LCOR: variants seen among roughly 807,000 people sequenced by gnomAD.
The protein encoded by LCOR is ligand-dependent corepressor.
LCOR carries 14 observed loss-of-function variants against 64.4 expected under a neutral mutation model. The ratio of observed to expected loss-of-function variants is 0.22; its 90% CI spans 0.14 to 0.34. The LOEUF is 0.34. LCOR is among the 10% of genes least tolerant of loss of function. LCOR has a pLI of 1.00. For synonymous variants in LCOR, 643 were observed against 642.5 expected, an observed-to-expected ratio of 1.00 and a Z score of -0.01; for missense variants, 1,686 against 1,765.3, an observed-to-expected ratio of 0.96 and a Z score of 0.80.
intron 4 of LCOR, among the ~76,000 whole-genome samples, chr10:96,917,424 A>T (rs1039539921): frequency 1.3e-5 from 2 of 152,250 alleles, no homozygotes; most frequent in African/African-American, 4.8e-5. Flanking sequence ...CAGAATTCTC[A>T]TATATGCAGG....
At chr10:96,897,788 G>T (rs577988857) in intron 2 of LCOR, among the ~76,000 whole-genome samples, 10 of 151,536 alleles carry the variant, frequency 6.6e-5, no homozygotes, top group Non-Finnish European at 1.3e-4. Flanking sequence ...TTGTGGGCCA[G>T]CAAAAAGAGC....
intron 4 of LCOR, among the ~76,000 whole-genome samples, chr10:96,909,109 C>G (rs990594254): frequency 6.6e-5 from 10 of 152,092 alleles, no homozygotes; most frequent in Admixed American, 5.9e-4. Flanking sequence ...TTTCCACAAT[C>G]ATTACTATAG....
At chr10:96,857,363 A>G (rs142634178) in intron 2 of LCOR, among the ~76,000 whole-genome samples, 1 of 152,106 alleles carries the variant, frequency 6.6e-6, no homozygotes, top group Admixed American at 6.5e-5. Context: ...CCATTATCCC[A>G]TGTGTTTTGA....
At position 96,983,650 on chromosome 10, in the gene LCOR, G is replaced by C. The variant is rs776356000; in HGVS notation, c.3190G>C (p.Ala1064Pro). 1 of 1,614,172 alleles carries C rather than the reference G, an allele frequency of 6.2e-7. No individual in the cohort carries two copies. The highest frequency in any genetic ancestry group is 2.2e-5 in the East Asian group (1 of 44,884). The change falls in exon 8 of 8, where the codon GCA becomes CCA. Residue 1064 changes from alanine to proline, a missense_variant. Around this residue, in one of 3 missense-constraint regions of LCOR, gnomAD observed 1,293 missense variants for 1,410.4 expected, o/e 0.92. Transcript: ENST00000421806. This position sits in a 1 kb window ranked among gnomAD's most constrained non-coding sequence, Gnocchi z 4.5. Reference protein sequence around the residue: ...ASKVTSEKEAAQVNPIMPKEN... With the variant: ...ASKVTSEKEAPQVNPIMPKEN... ...AAAAGTGACTTCAGAAAAGGAAGCT[G>C]CACAAGTAAACCCCATAATGCCAAA...
chr10:96,933,701 G>A (rs1018737359), intron 4 of LCOR, among the ~76,000 whole-genome samples: 8 of 152,032 alleles, frequency 5.3e-5, no homozygotes. Flanking sequence ...TGTATTTTTA[G>A]TAGAGATGGG....
chr10:96,845,114 A>T (rs574960402), intron 2 of LCOR, among the ~76,000 whole-genome samples: 1 of 152,216 alleles, frequency 6.6e-6, no homozygotes, highest in Non-Finnish European at 1.5e-5. Flanking sequence ...GGATAAATTT[A>T]AAAAATGAAT....
In LCOR at chr10:96,983,062, A is replaced by G; in HGVS notation, c.2602A>G (p.Lys868Glu). The G allele has an allele frequency of 2.5e-6, 4 of 1,614,010 alleles. No individual in the cohort carries two copies. Among genetic ancestry groups the G allele is most frequent in the Non-Finnish European group, 3.4e-6 (4 of 1,179,912 alleles). Reference protein sequence around the residue: ...KEGHPGGTTPKGLLPDSFHTE... With the variant: ...KEGHPGGTTPEGLLPDSFHTE... ...AGGGCACCCTGGTGGGACAACACCT[A>G]AGGGCCTTCTACCTGACAGTTTCCA... The change falls in exon 8 of 8, where the codon AAG becomes GAG. Residue 868 changes from lysine (K) to glutamate (E), a missense_variant. Transcript: ENST00000421806. The surrounding 1 kb of genome is among the most constrained non-coding windows in gnomAD (Gnocchi z 4.5).
chr10:96,955,271 C>T (rs1230858870), intron 7 of LCOR: 1 of 1,614,164 alleles, frequency 6.2e-7, no homozygotes, highest in South Asian at 1.1e-5. Context: ...CACTCAGCAA[C>T]ATCAGTGACC....
At position 96,990,017 on chromosome 10, in the gene LCOR, T is replaced by C. The variant is rs1848185410; in HGVS notation, c.*4883T>C. The C allele has an allele frequency of 6.6e-6, 1 of 152,038 alleles. No individual in the cohort carries two copies. Among genetic ancestry groups the C allele is most frequent in the South Asian group, 2.1e-4 (1 of 4,820 alleles). 9.4% of individuals were successfully genotyped at this position (152,038 alleles called of 1,614,324 possible). On this transcript the variant is annotated 3_prime_UTR_variant, in exon 8 of 8. Transcript: ENST00000421806. ...CTTGATATCCACTGAAATACTGGAA[T>C]TTTTTTTAAGTATAAAATTGATCTG...
Position 96,981,230 on chromosome 10 carries a change from C to A in LCOR, c.770C>A (p.Ser257Tyr). ...SSELPTTKSN[S>Y]INSSSVDSFT... ...GAACTTCCAACCACTAAATCGAATT[C>A]TATTAATAGCAGTTCAGTGGATAGT... The change falls in exon 8 of 8, where the codon TCT becomes TAT. Residue 257 changes from serine to tyrosine, a missense_variant. Ser to Tyr is a moderately radical substitution (Grantham distance 144, BLOSUM62 -2). Transcript: ENST00000421806. 1.2e-6 allele frequency: 1 copy of A among 842,870 alleles called. No homozygotes were observed. 52.2% of individuals were successfully genotyped at this position (842,870 alleles called of 1,614,324 possible). A position where few individuals can be genotyped will look rare whatever the true frequency, so the allele number is the denominator to read the frequency against.
rs1848150078 is a variant in LCOR at position 96,986,373 on chromosome 10, A to G, written c.*1239A>G. The G allele has an allele frequency of 6.6e-6, 1 of 152,554 alleles. No individual in the cohort carries two copies. The highest frequency in any genetic ancestry group is 2.1e-4 in the South Asian group (1 of 4,836). The allele number at this position is 152,554 out of a possible 1,614,324, so 9.5% of individuals were successfully genotyped here. ...TTAGAGCAGCCTTGCAGTTGGAGGA[A>G]GCAGCTCCAGCATCTGTGAAGAGCC... On this transcript the variant is annotated 3_prime_UTR_variant, in exon 8 of 8. Coordinates refer to ENST00000421806, the MANE Select transcript of LCOR (RefSeq NM_001346516.2).
At position 96,987,891 on chromosome 10, in the gene LCOR, T is replaced by C. The variant is rs1295261604; in HGVS notation, c.*2757T>C. The C allele has an allele frequency of 6.6e-6, 1 of 152,194 alleles. No individual in the cohort carries two copies. Among genetic ancestry groups the C allele is most frequent in the African/African-American group, 2.4e-5 (1 of 41,450 alleles). 9.4% of individuals were successfully genotyped at this position (152,194 alleles called of 1,614,324 possible). On this transcript the variant is annotated 3_prime_UTR_variant, in exon 8 of 8. Coordinates refer to ENST00000421806, the MANE Select transcript of LCOR (RefSeq NM_001346516.2). ...TGCAAAAACCTTCTTCCCAGAGCCA[T>C]CTTCAAGAATGGCTTACCACACCAG...
intron 2 of LCOR, among the ~76,000 whole-genome samples, chr10:96,856,861 A>C (rs538979441): frequency 1.3e-5 from 2 of 152,176 alleles, no homozygotes; most frequent in African/African-American, 4.8e-5. Context: ...GCAAAAAAAA[A>C]AAAAGTAAAA....
chr10:96,899,752 C>T lies in LCOR; in HGVS notation c.-329-7513C>T, dbSNP rs536281160. Among the ~76,000 whole-genome samples the T allele has an allele frequency of 7.9e-5, 12 of 152,088 alleles. No homozygotes were observed. The South Asian group carries it at 1.2e-3, about 16-fold the overall frequency. ...CTTAAGTTTTGTGAGTATTCTTATACAGGATGCAAACTTAGTAAAATTTCG... is the reference window on the plus strand; with the variant it reads ...CTTAAGTTTTGTGAGTATTCTTATATAGGATGCAAACTTAGTAAAATTTCG... On this transcript the variant is annotated intron_variant, in intron 2 of 7. Coordinates refer to ENST00000421806, the MANE Select transcript of LCOR (RefSeq NM_001346516.2).
chr10:96,875,616 C>G lies in LCOR; in HGVS notation c.-329-31649C>G, dbSNP rs149092479. ...GTGGCCCATGCCTGTAATCCCAGCT[C>G]TTTGGGAGGCTGAGGTGGGCCAGTC... On this transcript the variant is annotated intron_variant, in intron 2 of 7. Transcript: ENST00000421806. 3.0e-3 allele frequency among the ~76,000 whole-genome samples: 461 copies of G among 152,198 alleles called. 3 individuals carry two copies. Among genetic ancestry groups the G allele is most frequent in the African/African-American group, 0.011 (441 of 41,534 alleles).
At chr10:96,976,877 A>C (rs1374230373) in intron 7 of LCOR, among the ~76,000 whole-genome samples, 1 of 152,152 alleles carries the variant, frequency 6.6e-6, no homozygotes, top group African/African-American at 2.4e-5. Flanking sequence ...TACCTAGAAA[A>C]TTTTTGCGAA....
chr10:96,929,940 T>G (rs1384206539), intron 4 of LCOR, among the ~76,000 whole-genome samples: 3 of 152,192 alleles, frequency 2.0e-5, no homozygotes, highest in African/African-American at 4.8e-5. Context: ...ACCTAACATT[T>G]ATCAATTTAG....
At chr10:96,952,378 T>C (rs1847696512) in intron 7 of LCOR, among the ~76,000 whole-genome samples, 182 bp downstream of exon 7, 1 of 152,222 alleles carries the variant, frequency 6.6e-6, no homozygotes, top group African/African-American at 2.4e-5. Context: ...CAGATGAGTT[T>C]TTGTCAGTTT....
At chr10:96,837,126 GACTAC>G (rs1247774868) in intron 2 of LCOR, among the ~76,000 whole-genome samples, 1 of 152,132 alleles carries the variant, frequency 6.6e-6, no homozygotes, top group Non-Finnish European at 1.5e-5. Context: ...GAGTAGCTGG[GACTAC>G]AGGTGCCCGC....
Sources: allele counts gnomAD v4.1 joint callset (sites outside exome capture counted in the v4.1 genomes callset), GRCh38; gene constraint gnomAD v4.1.1; regional missense constraint gnomAD v4.1.1; non-coding constraint Gnocchi (gnomAD v3.1); transcripts MANE v1.5; gene names NCBI Gene and HGNC (gene_info 2026-07-23, HGNC 2026-07-21).